The following RAPGEF2 variants were observed in gnomAD, a reference collection of about 807,000 sequenced individuals.
RAPGEF2 encodes PDZ domain containing guanine nucleotide exchange factor (GEF) 1.
In RAPGEF2, 54 loss-of-function variants were observed where a neutral mutation model predicts 186.7. The observed-to-expected ratio is 0.29, with a 90% CI of 0.23 to 0.36. RAPGEF2 has a LOEUF of 0.36. RAPGEF2 is among the 10% of genes least tolerant of loss of function. The pLI, the probability that RAPGEF2 is intolerant of heterozygous loss-of-function variation, is 1.00. For missense variants in RAPGEF2, 1,532 were observed against 2,045.0 expected, an observed-to-expected ratio of 0.75 and a Z score of 4.84; for synonymous variants, 712 against 705.9, an observed-to-expected ratio of 1.01 and a Z score of -0.14.
intron 1 of RAPGEF2, among the ~76,000 whole-genome samples, chr4:159,110,974 G>A (rs1264629875): frequency 6.6e-6 from 1 of 151,374 alleles, no homozygotes; most frequent in Admixed American, 6.6e-5. Context: ...AGAAAAATAA[G>A]TTTATTGCCG....
chr4:159,166,835 A>T (rs988410053), intron 1 of RAPGEF2, among the ~76,000 whole-genome samples: 1 of 152,158 alleles, frequency 6.6e-6, no homozygotes, highest in African/African-American at 2.4e-5. Flanking sequence ...TTCTCTGAGG[A>T]TATGAGTTGA....
chr4:159,189,442 G>A (rs1747890397), intron 2 of RAPGEF2, among the ~76,000 whole-genome samples: 1 of 151,746 alleles, frequency 6.6e-6, no homozygotes, highest in South Asian at 2.1e-4. Flanking sequence ...GTTTATATAG[G>A]CAAGAAGCAG....
In RAPGEF2 at chr4:159,278,749, G is replaced by A. The variant is rs116111175; in HGVS notation, c.544-25593G>A. Among the ~76,000 whole-genome samples, 406 of 152,220 alleles carry A rather than the reference G, an allele frequency of 2.7e-3. 1 individual carries two copies. Among genetic ancestry groups the A allele is most frequent in the African/African-American group, 9.5e-3 (394 of 41,536 alleles). On this transcript the variant is annotated intron_variant, in intron 7 of 29. Transcript: ENST00000691494. The stretch of plus-strand genomic sequence containing the variant: ...ATTCGCTGTGTGACCCTGGCTGTGT[G>A]GTCTTTTAACATGGAATCTTCATTT...
intron 1 of RAPGEF2, among the ~76,000 whole-genome samples, chr4:159,182,386 CTTTTTTTTT>C (rs575743979): frequency 4.1e-3 from 354 of 85,676 alleles, no homozygotes; most frequent in Middle Eastern, 0.019. Flanking sequence ...TTCTTTTCTT[CTTTTTTTTT>C]TTTTTTTTTT....
chr4:159,205,831 A>G (rs758636044), intron 3 of RAPGEF2, among the ~76,000 whole-genome samples: 2 of 152,158 alleles, frequency 1.3e-5, no homozygotes, highest in African/African-American at 2.4e-5. Flanking sequence ...CAAGTTACCC[A>G]GTCCCAGGTA....
chr4:159,343,772 C>G (rs1196274660), intron 22 of RAPGEF2, among the ~76,000 whole-genome samples: 2 of 152,142 alleles, frequency 1.3e-5, no homozygotes, highest in Non-Finnish European at 2.9e-5. Context: ...ACAAATTTAG[C>G]TAGCAGTGTA....
At chr4:159,201,821 T>C (rs532093640) in intron 3 of RAPGEF2, among the ~76,000 whole-genome samples, 7 of 152,344 alleles carry the variant, frequency 4.6e-5, no homozygotes, top group East Asian at 1.9e-4. Flanking sequence ...TGGCTGGCCC[T>C]CTGGAGTTCC....
chr4:159,250,503 ATAC>A (rs1755185808), intron 7 of RAPGEF2, among the ~76,000 whole-genome samples: 1 of 152,074 alleles, frequency 6.6e-6, no homozygotes, highest in African/African-American at 2.4e-5. Flanking sequence ...GAAAAAGAAA[ATAC>A]TCAGGCTGTC....
At chr4:159,301,371 G>C (rs896787137) in intron 7 of RAPGEF2, among the ~76,000 whole-genome samples, 2 of 152,104 alleles carry the variant, frequency 1.3e-5, no homozygotes, top group Admixed American at 6.6e-5. Context: ...GCAAGATTCT[G>C]TCTCCAAAAA....
At chr4:159,330,229 CATATAAATGTCAT>C (rs1766462429) in intron 12 of RAPGEF2, 92 bp from the exon 13 acceptor site, 22 of 861,022 alleles carry the variant, frequency 2.6e-5, no homozygotes, top group Non-Finnish European at 3.7e-5. Flanking sequence ...ATCCCAGTAC[CATATAAATGTCAT>C]ATATGTGTGT....
intron 29 of RAPGEF2, 84 bp downstream of exon 29, chr4:159,356,242 C>A: frequency 7.4e-7 from 1 of 1,349,802 alleles, no homozygotes; most frequent in Non-Finnish European, 1.0e-6. Flanking sequence ...GTTCTCTTAA[C>A]ACTGCAGTCA....
chr4:159,114,251 A>G (rs903940721), intron 1 of RAPGEF2, among the ~76,000 whole-genome samples: 1 of 151,680 alleles, frequency 6.6e-6, no homozygotes, highest in Non-Finnish European at 1.5e-5. Context: ...TTACAGGTGC[A>G]CACCACCATG....
intron 3 of RAPGEF2, among the ~76,000 whole-genome samples, chr4:159,194,195 A>T (rs1748393603): frequency 6.6e-6 from 1 of 152,172 alleles, no homozygotes; most frequent in African/African-American, 2.4e-5. Context: ...CAGAGAGGTG[A>T]CGGGGCCTGG....
At chr4:159,293,835 T>G (rs937374243) in intron 7 of RAPGEF2, among the ~76,000 whole-genome samples, 2 of 152,198 alleles carry the variant, frequency 1.3e-5, no homozygotes, top group Non-Finnish European at 2.9e-5. Flanking sequence ...AGCTTGCGTT[T>G]TCTTCCAACA....
intron 7 of RAPGEF2, among the ~76,000 whole-genome samples, chr4:159,273,918 A>G (rs917732027): frequency 6.6e-6 from 1 of 151,928 alleles, no homozygotes; most frequent in Non-Finnish European, 1.5e-5. Flanking sequence ...CAGTCTCCCA[A>G]GTAGCTGGGA....
intron 1 of RAPGEF2, among the ~76,000 whole-genome samples, chr4:159,136,490 C>G (rs1741738183): frequency 6.6e-6 from 1 of 152,112 alleles, no homozygotes; most frequent in Non-Finnish European, 1.5e-5. Flanking sequence ...ATTTGTAATA[C>G]AAAGAGGAGA....
At chr4:159,309,002 T>G (rs1287836178) in intron 8 of RAPGEF2, among the ~76,000 whole-genome samples, 1 of 152,162 alleles carries the variant, frequency 6.6e-6, no homozygotes, top group Non-Finnish European at 1.5e-5. Context: ...TATAAAGTGA[T>G]TTCCCTCTGC....
chr4:159,104,000 G>A lies in RAPGEF2; in HGVS notation c.-163G>A, dbSNP rs1737481585. On this transcript the variant is annotated 5_prime_UTR_variant, in exon 1 of 30. Coordinates refer to ENST00000691494, the MANE Select transcript of RAPGEF2 (RefSeq NM_001394067.2). Reference sequence around the variant, plus strand: ...GCGCTCTCGGCCGCCGGGCCCAGCCGAGCCGCCCCCCCGCGGGCCCCGCGC... The same window carrying A: ...GCGCTCTCGGCCGCCGGGCCCAGCCAAGCCGCCCCCCCGCGGGCCCCGCGC... 1.2e-5 allele frequency: 2 copies of A among 169,052 alleles called. No individual in the cohort carries two copies. Among genetic ancestry groups the A allele is most frequent in the African/African-American group, 2.4e-5 (1 of 41,344 alleles). The allele number at this position is 169,052 out of a possible 1,614,324, so 10.5% of individuals were successfully genotyped here.
intron 1 of RAPGEF2, among the ~76,000 whole-genome samples, chr4:159,133,737 C>A (rs575928945): frequency 6.6e-6 from 1 of 152,164 alleles, no homozygotes; most frequent in African/African-American, 2.4e-5. Context: ...GTGCCTGCCA[C>A]CACGCCCAGC....
Sources: gnomAD v4.1 joint callset for allele counts (sites outside exome capture counted in the v4.1 genomes callset) on GRCh38, gnomAD v4.1.1 for gene constraint, MANE v1.5 for transcripts, NCBI Gene and HGNC (gene_info 2026-07-23, HGNC 2026-07-21) for gene names.